Variants in FLACC1 observed in about 807,000 individuals in gnomAD.
The protein encoded by FLACC1 is flagellum associated containing coiled-coil domains 1.
Under a neutral mutation model 62.8 loss-of-function variants are expected in FLACC1, and 66 were observed. The observed-to-expected ratio is 1.05, with a 90% confidence interval of 0.86 to 1.29. The LOEUF is 1.29. Among genes scored for constraint, FLACC1 ranks in the 50% most tolerant of loss-of-function variants. FLACC1 has a pLI of 0.00. For synonymous variants in FLACC1, 156 were observed against 161.0 expected (o/e 0.97, Z 0.24); for missense variants, 452 against 489.1 (o/e 0.92, Z 0.71).
chr2:201,346,322 C>T lies in FLACC1; in HGVS notation c.368+220G>A, dbSNP rs1329915293. Among the ~76,000 whole-genome samples, 1 of 152,230 alleles carries T rather than the reference C, an allele frequency of 6.6e-6. No individual in the cohort carries two copies. Among genetic ancestry groups the T allele is most frequent in the Admixed American group, 6.5e-5 (1 of 15,286 alleles). On this transcript the variant is annotated intron_variant, in intron 5 of 14. Coordinates refer to ENST00000392257, the MANE Select transcript of FLACC1 (RefSeq NM_001127391.3). The surrounding 1 kb of genome is among the most constrained non-coding windows in gnomAD (Gnocchi z 4.0). The stretch of plus-strand genomic sequence containing the variant: ...CACATAACTCCCAATCTTCATCCTG[C>T]CCCTTGGATCTGCTCACGGATGGGA...
rs868030915 is a variant in FLACC1, at chr2:201,307,563, C to A, written c.835G>T (p.Glu279Ter). 1.3e-5 allele frequency: 21 copies of A among 1,614,204 alleles called. No individual in the cohort carries two copies. Among genetic ancestry groups the A allele is most frequent in the Non-Finnish European group, 1.6e-5 (19 of 1,180,018 alleles). Residue 279 changes from glutamate to a stop codon, truncating the protein, a stop_gained, in exon 11 of 15, where the codon GAA becomes TAA. Coordinates refer to ENST00000392257, the MANE Select transcript of FLACC1 (RefSeq NM_001127391.3). LOFTEE classifies it high-confidence loss of function. The stretch of plus-strand genomic sequence containing the variant: ...TTCTCAAAGACAGCACTGCAGGATT[C>A]ATTTATTTTCTTATCTTCTTCTCCT... ...ESGEEDKKIN[E>*]SCSAVFENFI...
intron 11 of FLACC1, among the ~76,000 whole-genome samples, chr2:201,307,136 G>A (rs749832607): frequency 5.9e-5 from 9 of 152,172 alleles, no homozygotes; most frequent in Non-Finnish European, 1.2e-4. Context: ...TTCCCATAAA[G>A]TTAAACCTGT....
At chr2:201,325,424 G>T (rs1173500168) in intron 9 of FLACC1, among the ~76,000 whole-genome samples, 1 of 151,952 alleles carries the variant, frequency 6.6e-6, no homozygotes, top group Non-Finnish European at 1.5e-5. Context: ...AAGAAGAAAA[G>T]ATTAAACAAG....
intron 7 of FLACC1, among the ~76,000 whole-genome samples, chr2:201,339,298 T>A: frequency 6.6e-6 from 1 of 152,154 alleles, no homozygotes. Flanking sequence ...ATTTGGGTCT[T>A]CTCTTGTCTT....
chr2:201,294,628 C>T (rs1333559338), intron 12 of FLACC1, among the ~76,000 whole-genome samples: 2 of 152,200 alleles, frequency 1.3e-5, no homozygotes, highest in East Asian at 3.8e-4. Context: ...GGGATGCCCT[C>T]TCTCACCACT....
At chr2:201,299,957 C>T (rs533457206) in intron 11 of FLACC1, among the ~76,000 whole-genome samples, 6 of 152,226 alleles carry the variant, frequency 3.9e-5, no homozygotes, top group East Asian at 3.9e-4. Context: ...TCCAAGATGG[C>T]CAAATAGGAA....
At chr2:201,289,822 A>G in intron 12 of FLACC1, 37 bp from the exon 13 acceptor site, 1 of 1,614,088 alleles carries the variant, frequency 6.2e-7, no homozygotes, top group Non-Finnish European at 8.5e-7. Context: ...CATCATGCCA[A>G]TGTCTATTTA....
chr2:201,302,348 T>C (rs1009777421), intron 11 of FLACC1, among the ~76,000 whole-genome samples: 1 of 152,160 alleles, frequency 6.6e-6, no homozygotes, highest in Non-Finnish European at 1.5e-5. Context: ...CATTATATAA[T>C]GGTAAAGGGA....
At chr2:201,290,235 C>T (rs1352000714) in intron 12 of FLACC1, among the ~76,000 whole-genome samples, 1 of 152,094 alleles carries the variant, frequency 6.6e-6, no homozygotes, top group African/African-American at 2.4e-5. Flanking sequence ...TTAGGCAAAA[C>T]CCACAGAATG....
At chr2:201,318,165 C>T (rs1017888171) in intron 9 of FLACC1, among the ~76,000 whole-genome samples, 2 of 152,084 alleles carry the variant, frequency 1.3e-5, no homozygotes, top group Non-Finnish European at 2.9e-5. Context: ...ATCAGAAAAA[C>T]CCTTCTAGAC....
chr2:201,288,854 G>A, intron 14 of FLACC1, 73 bp from the exon 15 acceptor site: 4 of 1,548,044 alleles, frequency 2.6e-6, no homozygotes, highest in Non-Finnish European at 3.5e-6. Flanking sequence ...TTGGAGTGCA[G>A]GGAGAGAAAT....
intron 9 of FLACC1, among the ~76,000 whole-genome samples, chr2:201,325,721 T>C (rs1458842450): frequency 2.0e-5 from 3 of 152,204 alleles, no homozygotes; most frequent in African/African-American, 7.2e-5. Context: ...CTAGATGGAT[T>C]CACAGCTGAA....
intron 9 of FLACC1, among the ~76,000 whole-genome samples, chr2:201,328,806 A>G (rs1950541806): frequency 6.6e-6 from 1 of 152,254 alleles, no homozygotes; most frequent in East Asian, 1.9e-4. Flanking sequence ...AAATGGGCTG[A>G]AAACCTATAT....
Position 201,339,549 on chromosome 2 carries a change from T to C in FLACC1, c.524+2821A>G, listed in dbSNP as rs550572201. Among the ~76,000 whole-genome samples the C allele has an allele frequency of 1.4e-3, 209 of 152,250 alleles. 1 individual carries two copies. Among genetic ancestry groups the C allele is most frequent in the Non-Finnish European group, 2.6e-3 (177 of 68,014 alleles). On this transcript the variant is annotated intron_variant, in intron 7 of 14. Transcript: ENST00000392257. ...GATGTAGGTGTTTATTGCTATAAAC[T>C]TCCCTCTTAGCACTGCTTTTGCTGT...
chr2:201,288,862 A>G, intron 14 of FLACC1, 81 bp from the exon 15 acceptor site: 1 of 1,516,474 alleles, frequency 6.6e-7, no homozygotes, highest in Admixed American at 1.8e-5. Context: ...CAGGGAGAGA[A>G]ATGTGCCTTC....
chr2:201,330,101 A>AT lies in FLACC1; in HGVS notation c.675+368_675+369insA, dbSNP rs1055289719. ...TATGCTTGATAAAGAACATATAAAA[A>AT]ATATATAGATGTTATACAATATACA... On this transcript the variant is annotated intron_variant, in intron 9 of 14. Transcript: ENST00000392257. Among the ~76,000 whole-genome samples, 21 of 152,230 alleles carry AT rather than the reference A, an allele frequency of 1.4e-4. 1 individual carries two copies. The highest frequency in any genetic ancestry group is 6.3e-3 in the Middle Eastern group (2 of 316).
chr2:201,306,634 G>C (rs1950112528), intron 11 of FLACC1, among the ~76,000 whole-genome samples: 1 of 152,104 alleles, frequency 6.6e-6, no homozygotes, highest in Admixed American at 6.6e-5. Flanking sequence ...TGATTTTATA[G>C]AGAGGACACA....
chr2:201,321,203 C>T (rs1950397491), intron 9 of FLACC1, among the ~76,000 whole-genome samples: 1 of 152,218 alleles, frequency 6.6e-6, no homozygotes, highest in Non-Finnish European at 1.5e-5. Flanking sequence ...GAGGTCACAT[C>T]ACTGGATCCC....
intron 7 of FLACC1, among the ~76,000 whole-genome samples, chr2:201,336,030 A>G (rs944897576): frequency 6.6e-6 from 1 of 152,094 alleles, no homozygotes; most frequent in Non-Finnish European, 1.5e-5. Context: ...GTTTAGGGGT[A>G]CATGTACATG....
Sources: allele counts gnomAD v4.1 joint callset (sites outside exome capture counted in the v4.1 genomes callset), GRCh38; gene constraint gnomAD v4.1.1; non-coding constraint Gnocchi (gnomAD v3.1); transcripts MANE v1.5; gene names NCBI Gene and HGNC (gene_info 2026-07-23, HGNC 2026-07-21).